Variants in TENM4 observed in about 807,000 individuals in gnomAD.
The protein encoded by TENM4 is teneurin-4.
In TENM4, 82 loss-of-function variants were observed where a neutral mutation model predicts 243.3. The observed-to-expected ratio is 0.34, with a 90% CI of 0.28 to 0.40. The LOEUF (loss-of-function observed/expected upper bound fraction) is 0.40, where lower values mean the gene tolerates loss of function less well. Ranked by LOEUF, TENM4 falls within the 10% of genes least tolerant of loss-of-function variation. The pLI is 1.00. For missense variants in TENM4, 3,138 were observed against 3,673.3 expected (o/e 0.85, Z 3.77); for synonymous variants, 1,412 against 1,456.3 (o/e 0.97, Z 0.69).
In TENM4 at chr11:78,903,290, T is replaced by C. The variant is rs758716831; in HGVS notation, c.727A>G (p.Ser243Gly). 6.7e-7 allele frequency: 1 copy of C among 1,489,526 alleles called. No individual in the cohort carries two copies. The allele number at this position is 1,489,526 out of a possible 1,614,324, so 92.3% of individuals were successfully genotyped here. A position where few individuals can be genotyped will look rare whatever the true frequency, so the allele number is the denominator to read the frequency against. ...CACCTGGTCTCCAGGGGGATGTTGC[T>C]GTTGAGCAGCCAGTTCTCCTGGGCG... Reference protein sequence around the residue: ...AHAQENWLLNSNIPLETRNLG... With the variant: ...AHAQENWLLNGNIPLETRNLG... Residue 243 changes from serine (S) to glycine (G), a missense_variant, in exon 7 of 34, where the codon AGC becomes GGC. Around this residue, in one of 2 missense-constraint regions of TENM4, gnomAD observed 671 missense variants for 614.1 expected, o/e 1.09. Coordinates refer to ENST00000278550, the MANE Select transcript of TENM4 (RefSeq NM_001098816.3).
chr11:79,043,477 G>C (rs543399934), intron 6 of TENM4, among the ~76,000 whole-genome samples: 41 of 152,248 alleles, frequency 2.7e-4, no homozygotes, highest in Non-Finnish European at 4.4e-4. Context: ...GGGTCCATGA[G>C]AGACTGTGTG....
At chr11:79,396,488 C>T (rs921055099) in intron 1 of TENM4, among the ~76,000 whole-genome samples, 1 of 152,202 alleles carries the variant, frequency 6.6e-6, no homozygotes, top group African/African-American at 2.4e-5. Flanking sequence ...TTAATAGAAG[C>T]CCTGTGATCC....
At chr11:79,439,408 A>G (rs1859348679) in intron 1 of TENM4, among the ~76,000 whole-genome samples, 1 of 151,808 alleles carries the variant, frequency 6.6e-6, no homozygotes. Flanking sequence ...GCAGTAATAC[A>G]CTCATCCACA....
intron 3 of TENM4, among the ~76,000 whole-genome samples, chr11:79,170,624 G>A (rs1324436736): frequency 2.0e-5 from 3 of 152,158 alleles, no homozygotes; most frequent in African/African-American, 7.2e-5. Flanking sequence ...ACTGGGGGAT[G>A]CCTCTATATA....
chr11:79,408,134 C>T (rs1858613219), intron 1 of TENM4, among the ~76,000 whole-genome samples: 1 of 152,178 alleles, frequency 6.6e-6, no homozygotes, highest in Non-Finnish European at 1.5e-5. Context: ...GAACTCCTGA[C>T]CTCAAGTGAT....
intron 6 of TENM4, among the ~76,000 whole-genome samples, chr11:79,005,255 A>G (rs1858452482): frequency 6.6e-6 from 1 of 152,214 alleles, no homozygotes; most frequent in Admixed American, 6.5e-5. Context: ...TCCCTAACTC[A>G]TTCTATGAGG....
chr11:79,184,090 A>C (rs1434137158), intron 3 of TENM4, among the ~76,000 whole-genome samples: 1 of 152,240 alleles, frequency 6.6e-6, no homozygotes, highest in Non-Finnish European at 1.5e-5. Flanking sequence ...AACAGTCAAA[A>C]GAGGAATCAA....
At chr11:79,049,463 C>A (rs1434504625) in intron 6 of TENM4, among the ~76,000 whole-genome samples, 6 of 152,178 alleles carry the variant, frequency 3.9e-5, no homozygotes, top group African/African-American at 1.2e-4. Flanking sequence ...GCTAGGGCCG[C>A]TCACTAATCA....
At position 79,107,284 on chromosome 11, in the gene TENM4, A is replaced by G. The variant is rs370393001; in HGVS notation, c.-65-37275T>C. 4.1e-4 allele frequency among the ~76,000 whole-genome samples: 43 copies of G among 104,586 alleles called. 3 individuals carry two copies. Among genetic ancestry groups the G allele is most frequent in the East Asian group, 4.1e-3 (14 of 3,428 alleles). The allele number at this position is 104,586 out of a possible 152,430, so 68.6% of individuals were successfully genotyped here. On this transcript the variant is annotated intron_variant, in intron 4 of 33. Coordinates refer to ENST00000278550, the MANE Select transcript of TENM4 (RefSeq NM_001098816.3). ...GACTGCACATTACTTGAGAATACTAATCATAATCATAATCATAATCATAGT... is the reference window on the plus strand; with the variant it reads ...GACTGCACATTACTTGAGAATACTAGTCATAATCATAATCATAATCATAGT...
chr11:78,978,635 C>A (rs569997044), intron 6 of TENM4, among the ~76,000 whole-genome samples: 1 of 151,808 alleles, frequency 6.6e-6, no homozygotes, highest in Non-Finnish European at 1.5e-5. Context: ...CAGGACGGAA[C>A]GAGAAATCAA....
At chr11:78,732,775 C>G (rs1488471235) in intron 20 of TENM4, among the ~76,000 whole-genome samples, 198 bp from the exon 21 acceptor site, 1 of 152,230 alleles carries the variant, frequency 6.6e-6, no homozygotes, top group Non-Finnish European at 1.5e-5. Flanking sequence ...TTTTTTACCC[C>G]ATAAAATGAT....
At chr11:79,157,795 GTC>G (rs1222140254) in intron 3 of TENM4, among the ~76,000 whole-genome samples, 2 of 152,116 alleles carry the variant, frequency 1.3e-5, no homozygotes, top group African/African-American at 4.8e-5. Flanking sequence ...GGTAAATTCT[GTC>G]TGTTGGTCCC....
intron 9 of TENM4, among the ~76,000 whole-genome samples, chr11:78,883,152 C>G (rs1855472547): frequency 6.6e-6 from 1 of 152,234 alleles, no homozygotes; most frequent in Non-Finnish European, 1.5e-5. Flanking sequence ...CCCAAGGCGA[C>G]CAGTAAGGGA....
intron 3 of TENM4, among the ~76,000 whole-genome samples, chr11:79,166,982 G>A (rs1160230047): frequency 6.6e-6 from 1 of 152,212 alleles, no homozygotes; most frequent in African/African-American, 2.4e-5. Context: ...TTTCAGAAAT[G>A]AGGCTGCAGA....
At chr11:79,273,277 T>C (rs1388091449) in intron 2 of TENM4, among the ~76,000 whole-genome samples, 1 of 152,222 alleles carries the variant, frequency 6.6e-6, no homozygotes, top group Admixed American at 6.5e-5. Context: ...TGCATCCTAA[T>C]TTCAGAGATG....
In TENM4 at chr11:78,657,966, T is replaced by C. The variant is rs1172168559; in HGVS notation, c.*92A>G. 1.9e-6 allele frequency: 3 copies of C among 1,590,964 alleles called. No individual in the cohort carries two copies. The highest frequency in any genetic ancestry group is 2.2e-5 in the South Asian group (2 of 89,986). On this transcript the variant is annotated 3_prime_UTR_variant, in exon 34 of 34. Transcript: ENST00000278550. ...CAGTATCTTTTTGTTTCTGCACTTG[T>C]TAAAAAATCATTTTTTTAAAAGTAC... is the stretch of plus-strand genomic sequence containing the variant.
chr11:79,000,618 C>G (rs1290223343), intron 6 of TENM4, among the ~76,000 whole-genome samples: 2 of 151,966 alleles, frequency 1.3e-5, no homozygotes, highest in African/African-American at 4.8e-5. Flanking sequence ...AAAAAATCCT[C>G]AAGATATAGT....
intron 1 of TENM4, among the ~76,000 whole-genome samples, chr11:79,389,363 A>AAAC (rs1198192719): frequency 6.6e-6 from 1 of 152,064 alleles, no homozygotes; most frequent in African/African-American, 2.4e-5. Flanking sequence ...TGCTATGTTG[A>AAAC]CCAGTCTGGT....
At chr11:78,709,592 C>T (rs979245144) in intron 26 of TENM4, among the ~76,000 whole-genome samples, 2 of 152,188 alleles carry the variant, frequency 1.3e-5, no homozygotes, top group Non-Finnish European at 2.9e-5. Flanking sequence ...ATGGGAATCC[C>T]CTGGGGAGTT....
Sources: allele counts gnomAD v4.1 joint callset (sites outside exome capture counted in the v4.1 genomes callset), GRCh38; gene constraint gnomAD v4.1.1; regional missense constraint gnomAD v4.1.1; transcripts MANE v1.5; gene names NCBI Gene and HGNC (gene_info 2026-07-23, HGNC 2026-07-21).